VRK2: variants seen among roughly 807,000 people sequenced by gnomAD.
VRK2 encodes serine/threonine-protein kinase VRK2.
In VRK2, 60 loss-of-function variants were observed where a neutral mutation model predicts 57.6. The ratio of observed to expected loss-of-function variants is 1.04; its 90% CI spans 0.85 to 1.29. The LOEUF is 1.29. Among genes scored for constraint, VRK2 ranks in the 50% most tolerant of loss-of-function variants. The probability of loss-of-function intolerance (pLI) is 0.00; values close to 1 mark genes in which losing one functional copy is unlikely to be tolerated. For missense variants in VRK2, 705 were observed against 588.1 expected (o/e 1.20, Z -2.06); for synonymous variants, 231 against 199.2 (o/e 1.16, Z -1.35).
chr2:58,136,986 A>G (rs1288548520), intron 10 of VRK2, among the ~76,000 whole-genome samples: 2 of 133,736 alleles, frequency 1.5e-5, no homozygotes, highest in African/African-American at 5.8e-5. Context: ...TATATCATAT[A>G]TATGTGTATA....
At chr2:58,020,220 T>C (rs1673708757) in intron 1 of VRK2, among the ~76,000 whole-genome samples, 1 of 152,354 alleles carries the variant, frequency 6.6e-6, no homozygotes, top group Non-Finnish European at 1.5e-5. Context: ...ATAAACTGTT[T>C]TGTTTTTAGA....
intron 7 of VRK2, among the ~76,000 whole-genome samples, chr2:58,104,332 A>T (rs1227045972): frequency 6.6e-6 from 1 of 151,652 alleles, no homozygotes; most frequent in Non-Finnish European, 1.5e-5. Context: ...CCTGCAAAAA[A>T]CTCTTAATTT....
At chr2:57,935,745 C>T (rs1670885014) in intron 1 of VRK2, among the ~76,000 whole-genome samples, 1 of 152,182 alleles carries the variant, frequency 6.6e-6, no homozygotes, top group South Asian at 2.1e-4. Context: ...GGGAAATATC[C>T]TGCATGGCTA....
At chr2:57,958,435 A>ATG (rs1671652031) in intron 1 of VRK2, among the ~76,000 whole-genome samples, 1 of 148,770 alleles carries the variant, frequency 6.7e-6, no homozygotes, top group Non-Finnish European at 1.5e-5. Flanking sequence ...GTGTATATAC[A>ATG]TGTATATATA....
intron 2 of VRK2, among the ~76,000 whole-genome samples, chr2:58,063,377 T>C (rs1327152525): frequency 2.6e-5 from 4 of 151,908 alleles, no homozygotes; most frequent in African/African-American, 7.3e-5. Context: ...CAGTGTTTGA[T>C]AGCAGTGTAG....
chr2:58,146,239 A>G, intron 11 of VRK2, 77 bp from the exon 12 acceptor site: 1 of 1,266,374 alleles, frequency 7.9e-7, no homozygotes, highest in South Asian at 1.8e-5. Context: ...AGCTTTTAAG[A>G]ATCTGGACAT....
chr2:58,136,388 ATT>A (rs34101779), intron 10 of VRK2, among the ~76,000 whole-genome samples: 12 of 142,758 alleles, frequency 8.4e-5, no homozygotes, highest in Non-Finnish European at 1.1e-4. Flanking sequence ...TCTTAATGGC[ATT>A]TTTTTTTTTT....
chr2:57,976,819 G>C (rs1325266762), intron 1 of VRK2, among the ~76,000 whole-genome samples: 1 of 151,994 alleles, frequency 6.6e-6, no homozygotes, highest in African/African-American at 2.4e-5. Context: ...AATGGTATGT[G>C]CTAGATTGTC....
At chr2:57,927,232 T>C (rs761876788) in intron 1 of VRK2, among the ~76,000 whole-genome samples, 1 of 152,026 alleles carries the variant, frequency 6.6e-6, no homozygotes, top group Non-Finnish European at 1.5e-5. Context: ...TGCCTATGTC[T>C]TGAAAAGTTG....
chr2:57,944,755 C>T (rs1182586107), intron 1 of VRK2, among the ~76,000 whole-genome samples: 3 of 150,654 alleles, frequency 2.0e-5, no homozygotes, highest in Admixed American at 2.0e-4. Flanking sequence ...AAAAGAAAAA[C>T]ATTAATTCGT....
intron 1 of VRK2, among the ~76,000 whole-genome samples, chr2:57,930,290 T>TC (rs1380574738): frequency 6.6e-6 from 1 of 152,200 alleles, no homozygotes; most frequent in African/African-American, 2.4e-5. Context: ...TAAATGCTCC[T>TC]CTGTGTGTGC....
chr2:58,007,989 T>C (rs1673302704), intron 1 of VRK2, among the ~76,000 whole-genome samples: 2 of 151,912 alleles, frequency 1.3e-5, no homozygotes, highest in South Asian at 2.1e-4. Flanking sequence ...TCTCTGTAAA[T>C]AACAGAAGAA....
At chr2:57,977,132 G>T (rs962729178) in intron 1 of VRK2, among the ~76,000 whole-genome samples, 1 of 152,162 alleles carries the variant, frequency 6.6e-6, no homozygotes, top group Non-Finnish European at 1.5e-5. Context: ...AGTATAATTT[G>T]AAGTCAGGTA....
At chr2:58,012,556 C>A (rs1673446072) in intron 1 of VRK2, among the ~76,000 whole-genome samples, 1 of 152,218 alleles carries the variant, frequency 6.6e-6, no homozygotes, top group Non-Finnish European at 1.5e-5. Flanking sequence ...CTCTTCCCCT[C>A]TCCAGAGTTT....
chr2:57,990,070 T>C (rs977919378), intron 1 of VRK2, among the ~76,000 whole-genome samples: 1 of 152,146 alleles, frequency 6.6e-6, no homozygotes, highest in African/African-American at 2.4e-5. Flanking sequence ...GAATGGCAAC[T>C]TTTTCCTATT....
intron 3 of VRK2, among the ~76,000 whole-genome samples, chr2:58,037,276 G>A (rs932306240): frequency 6.6e-6 from 1 of 151,936 alleles, no homozygotes; most frequent in Non-Finnish European, 1.5e-5. Context: ...GGTGTTTCAT[G>A]ACTTCCGTGC....
chr2:58,052,568 A>G (rs1337836733), intron 2 of VRK2, among the ~76,000 whole-genome samples: 1 of 149,132 alleles, frequency 6.7e-6, no homozygotes, highest in Non-Finnish European at 1.5e-5. Context: ...GCACCACTGC[A>G]TTCTAGCTTA....
intron 1 of VRK2, among the ~76,000 whole-genome samples, chr2:57,913,761 T>C (rs1296111932): frequency 2.0e-5 from 3 of 152,158 alleles, no homozygotes; most frequent in African/African-American, 7.2e-5. Flanking sequence ...ACATATGGAA[T>C]ATTAGGATAC....
chr2:58,006,575 T>A (rs1673251968), intron 1 of VRK2, among the ~76,000 whole-genome samples: 1 of 152,154 alleles, frequency 6.6e-6, no homozygotes, highest in African/African-American at 2.4e-5. Context: ...GGAGCAGACC[T>A]CACAGTGGGA....
Sources: gnomAD v4.1 joint callset for allele counts (sites outside exome capture counted in the v4.1 genomes callset) on GRCh38, gnomAD v4.1.1 for gene constraint, MANE v1.5 for transcripts, NCBI Gene and HGNC (gene_info 2026-07-23, HGNC 2026-07-21) for gene names.